HCN2: variants seen among roughly 807,000 people sequenced by gnomAD.
HCN2 encodes potassium/sodium hyperpolarization-activated cyclic nucleotide-gated channel 2.
HCN2 carries 20 observed loss-of-function variants against 52.3 expected under a neutral mutation model. That is an observed-to-expected ratio of 0.38 (90% CI 0.27 to 0.56). The LOEUF (loss-of-function observed/expected upper bound fraction) is 0.56, where lower values mean the gene tolerates loss of function less well. Among genes scored for constraint, HCN2 ranks in the 20% least tolerant of loss-of-function variants. The probability of loss-of-function intolerance (pLI) is 0.71; values close to 1 mark genes in which losing one functional copy is unlikely to be tolerated. For missense variants in HCN2, 981 were observed against 1,207.7 expected (o/e 0.81, Z 2.78); for synonymous variants, 694 against 537.0 (o/e 1.29, Z -4.04).
intron 5 of HCN2, among the ~76,000 whole-genome samples, chr19:612,879 C>T (rs1052647852): frequency 1.2e-4 from 18 of 151,496 alleles, no homozygotes; most frequent in South Asian, 2.1e-4. Flanking sequence ...GGGGTCTTAC[C>T]GTGTTGCCCA....
At chr19:607,502 G>T (rs554067551) in intron 3 of HCN2, among the ~76,000 whole-genome samples, 1 of 152,232 alleles carries the variant, frequency 6.6e-6, no homozygotes, top group African/African-American at 2.4e-5. Flanking sequence ...CCGCACATGC[G>T]GTCCCATTTC....
At chr19:600,523 T>C (rs547660179) in intron 1 of HCN2, among the ~76,000 whole-genome samples, 2 of 152,244 alleles carry the variant, frequency 1.3e-5, no homozygotes, top group Admixed American at 1.3e-4. Context: ...TTTTTTGTAT[T>C]TTTTGTAGAG....
At chr19:595,675 G>C (rs562057563) in intron 1 of HCN2, among the ~76,000 whole-genome samples, 2 of 152,148 alleles carry the variant, frequency 1.3e-5, no homozygotes, top group African/African-American at 4.8e-5. Flanking sequence ...GTGCCCCGGC[G>C]CCCGGCGAGA....
intron 1 of HCN2, among the ~76,000 whole-genome samples, chr19:601,697 GT>G (rs1983208087): frequency 1.3e-5 from 2 of 152,270 alleles, no homozygotes; most frequent in South Asian, 4.1e-4. Flanking sequence ...GGAGCCACCC[GT>G]GTTTGCTCCG....
intron 7 of HCN2, 61 bp downstream of exon 7, chr19:614,077 G>GGGCGGGGGCC: frequency 7.8e-7 from 1 of 1,280,914 alleles, no homozygotes; most frequent in Non-Finnish European, 1.0e-6. Flanking sequence ...CGTGGCCAAG[G>GGGCGGGGGCC]CATCAGGAGA....
intron 1 of HCN2, among the ~76,000 whole-genome samples, chr19:597,932 G>A (rs916248406): frequency 4.6e-5 from 7 of 152,166 alleles, no homozygotes; most frequent in Admixed American, 1.3e-4. Flanking sequence ...GTTTCTCCTC[G>A]CCCCTCGTGG....
chr19:613,898 T>C lies in HCN2; in HGVS notation c.1872T>C (p.Ala624=), dbSNP rs1054786. ...GCCGCCGCACGGCGAGCGTGCGGGC[T>C]GACACCTACTGCCGCCTCTATTCGC... ...TRGRRTASVR[A]DTYCRLYSLS... Residue 624 remains alanine (A), a synonymous_variant, in exon 7 of 8, where the codon GCT becomes GCC. Transcript: ENST00000251287. The C allele has an allele frequency of 0.6, 963,471 of 1,592,566 alleles. 303,644 individuals carry two copies. The highest frequency in any genetic ancestry group is 0.93 in the African/African-American group (68,274 of 73,424).
chr19:598,468 G>T (rs927225688), intron 1 of HCN2, among the ~76,000 whole-genome samples: 3 of 151,162 alleles, frequency 2.0e-5, no homozygotes, highest in Middle Eastern at 3.6e-3. Context: ...CACCACGCTG[G>T]CTAATTTTTG....
intron 1 of HCN2, among the ~76,000 whole-genome samples, chr19:595,758 C>T (rs773675116): frequency 3.2e-4 from 49 of 152,224 alleles, no homozygotes; most frequent in Non-Finnish European, 8.8e-5. Context: ...AGCTCCCTTT[C>T]TTAATCCTGG....
At chr19:612,186 G>GCA (rs1983666760) in intron 5 of HCN2, among the ~76,000 whole-genome samples, 1 of 152,014 alleles carries the variant, frequency 6.6e-6, no homozygotes, top group Non-Finnish European at 1.5e-5. Flanking sequence ...GGTCATAAGG[G>GCA]CACAGCTCGA....
intron 1 of HCN2, among the ~76,000 whole-genome samples, chr19:601,306 C>A (rs1288564619): frequency 6.6e-6 from 1 of 152,122 alleles, no homozygotes; most frequent in African/African-American, 2.4e-5. Context: ...GGGTGAGACT[C>A]CGTCTCGGAA....
Position 603,830 on chromosome 19 carries a change from A to G in HCN2, c.919A>G (p.Ile307Val). ...CATCCCCGTGGACTACATCTTCCTT[A>G]TCGTGGAGAAGGGCATTGACTCCGA... ...SSIPVDYIFL[I>V]VEKGIDSEVY... is the part of the protein sequence containing the mutation. Residue 307 changes from isoleucine (I) to valine (V), a missense_variant, in exon 2 of 8, where the codon ATC (isoleucine) becomes GTC (valine). Around this residue, in one of 6 missense-constraint regions of HCN2, gnomAD observed 282 missense variants for 553.8 expected, o/e 0.51. Coordinates refer to ENST00000251287, the MANE Select transcript of HCN2 (RefSeq NM_001194.4). The G allele has an allele frequency of 6.2e-6, 10 of 1,612,534 alleles. No homozygotes were observed. Among genetic ancestry groups the G allele is most frequent in the Non-Finnish European group, 8.5e-6 (10 of 1,179,856 alleles).
Position 593,543 on chromosome 19 carries a change from C to T in HCN2, c.632+2966C>T, listed in dbSNP as rs532463161. ...GCTGAGGCAGGAGAATCACTTGAAT[C>T]CAGGAGGCAGAGGTTGCAGTGAGCC... On this transcript the variant is annotated intron_variant, in intron 1 of 7. Coordinates refer to ENST00000251287, the MANE Select transcript of HCN2 (RefSeq NM_001194.4). Among the ~76,000 whole-genome samples, 7 of 152,292 alleles carry T rather than the reference C, an allele frequency of 4.6e-5. No homozygotes were observed. The East Asian group carries it at 7.7e-4, about 17-fold the overall frequency.
intron 1 of HCN2, among the ~76,000 whole-genome samples, chr19:602,340 G>A (rs532196469): frequency 1.2e-5 from 1 of 82,446 alleles, no homozygotes; most frequent in Admixed American, 1.4e-4. Context: ...CTCCTCCTGC[G>A]TGGACGCCCC....
Position 607,949 on chromosome 19 carries a change from C to G in HCN2, c.1219-15C>G. On this transcript the variant is annotated splice_polypyrimidine_tract_variant and intron_variant, in intron 3 of 7. Coordinates refer to ENST00000251287, the MANE Select transcript of HCN2 (RefSeq NM_001194.4). Reference sequence around the variant, plus strand: ...GAGCACCTGCCCACCACCGCCCCTCCTGCTGGCCTTGCAGAACCACTCGTG... The same window carrying G: ...GAGCACCTGCCCACCACCGCCCCTCGTGCTGGCCTTGCAGAACCACTCGTG... 1 of 1,600,872 alleles carries G rather than the reference C, an allele frequency of 6.2e-7. No individual in the cohort carries two copies. The highest frequency in any genetic ancestry group is 1.3e-5 in the African/African-American group (1 of 74,774).
At position 616,774 on chromosome 19, in the gene HCN2, G is replaced by GGC. The variant is rs1983961536; in HGVS notation, c.*302_*303dup. ...TCCCCCAGCTGTAAGACAGGGACGGGGCGGCCCAGTGGCTGAGAGGAGCCG... is the reference window on the plus strand; with the variant it reads ...TCCCCCAGCTGTAAGACAGGGACGGGGCGCGGCCCAGTGGCTGAGAGGAGCCG... On this transcript the variant is annotated 3_prime_UTR_variant, in exon 8 of 8. Transcript: ENST00000251287. 4.6e-6 allele frequency: 1 copy of GGC among 218,626 alleles called. No individual in the cohort carries two copies. Among genetic ancestry groups the GGC allele is most frequent in the South Asian group, 9.1e-5 (1 of 11,014 alleles). The allele number at this position is 218,626 out of a possible 1,614,324, so 13.5% of individuals were successfully genotyped here. A position where few individuals can be genotyped will look rare whatever the true frequency, so the allele number is the denominator to read the frequency against.
At chr19:610,115 A>ACC in intron 4 of HCN2, 144 bp from the exon 5 acceptor site, 1 of 926,582 alleles carries the variant, frequency 1.1e-6, no homozygotes, top group Non-Finnish European at 1.7e-6. Flanking sequence ...GGGCTGTCTG[A>ACC]CCCACAAGCA....
Position 613,469 on chromosome 19 carries a change from C to T in HCN2, c.1806C>T (p.Ser602=), listed in dbSNP as rs201808106. Residue 602 remains serine (S), a synonymous_variant, in exon 6 of 8, where the codon TCC becomes TCT. Transcript: ENST00000251287. ...LTKGNKEMKL[S]DGSYFGEICL... is the part of the protein sequence containing the mutation. ...AGGGCAACAAGGAGATGAAGCTGTC[C>T]GATGGCTCCTACTTCGGGGGTGAGC... 8.1e-6 allele frequency: 13 copies of T among 1,597,500 alleles called. No individual in the cohort carries two copies. The highest frequency in any genetic ancestry group is 4.5e-5 in the East Asian group (2 of 44,350).
rs765113822 is a variant in HCN2, at chr19:613,235, C to G, written c.1585-13C>G. 3.1e-6 allele frequency: 5 copies of G among 1,607,090 alleles called. No individual in the cohort carries two copies. The highest frequency in any genetic ancestry group is 4.2e-6 in the Non-Finnish European group (5 of 1,177,420). On this transcript the variant is annotated splice_polypyrimidine_tract_variant and intron_variant, in intron 5 of 7. Coordinates refer to ENST00000251287, the MANE Select transcript of HCN2 (RefSeq NM_001194.4). ...GGGTCCGCAGCGGACCCAGCCCTGC[C>G]TCCCCCCTGCAGGAGATCGTCAACT...
Sources: allele counts gnomAD v4.1 joint callset (sites outside exome capture counted in the v4.1 genomes callset), GRCh38; gene constraint gnomAD v4.1.1; regional missense constraint gnomAD v4.1.1; transcripts MANE v1.5; gene names NCBI Gene and HGNC (gene_info 2026-07-23, HGNC 2026-07-21).